Variants in SOX5 observed in about 807,000 individuals in gnomAD.
SOX5 encodes transcription factor SOX-5.
Under a neutral mutation model 92.0 loss-of-function variants are expected in SOX5, and 9 were observed. The observed-to-expected ratio is 0.10, with a 90% CI of 0.06 to 0.17. SOX5 has a LOEUF of 0.17. Among genes scored for constraint, SOX5 ranks in the 10% least tolerant of loss-of-function variants. The pLI, the probability that SOX5 is intolerant of heterozygous loss-of-function variation, is 1.00. For synonymous variants in SOX5, 344 were observed against 336.3 expected (o/e 1.02, Z -0.25); for missense variants, 642 against 944.5 (o/e 0.68, Z 4.20).
At chr12:24,305,658 C>T (rs1344541311) in intron 2 of SOX5, among the ~76,000 whole-genome samples, 2 of 152,148 alleles carry the variant, frequency 1.3e-5, no homozygotes, top group Non-Finnish European at 2.9e-5. Context: ...AGTGCAGTGG[C>T]GCGATCGCGG....
At chr12:24,504,777 A>G (rs1406898055) in intron 1 of SOX5, among the ~76,000 whole-genome samples, 1 of 152,148 alleles carries the variant, frequency 6.6e-6, no homozygotes. Flanking sequence ...TTGAGTTCAC[A>G]TCTGTCTTGA....
intron 2 of SOX5, among the ~76,000 whole-genome samples, chr12:24,351,318 A>C (rs1358871533): frequency 6.6e-6 from 1 of 152,186 alleles, no homozygotes; most frequent in African/African-American, 2.4e-5. Flanking sequence ...AGACCATTGT[A>C]TTCCCAGCCT....
At chr12:24,192,403 AC>A (rs1473747922) in intron 4 of SOX5, among the ~76,000 whole-genome samples, 3 of 146,044 alleles carry the variant, frequency 2.1e-5, no homozygotes, top group Admixed American at 6.8e-5. Flanking sequence ...TAATAGGATA[AC>A]TACTTGGTGC....
At chr12:23,682,025 CAA>C (rs557782617) in intron 6 of SOX5, among the ~76,000 whole-genome samples, 4 of 149,786 alleles carry the variant, frequency 2.7e-5, no homozygotes, top group Non-Finnish European at 4.5e-5. Context: ...ACTGATAGCT[CAA>C]AAAAAAAAAA....
chr12:24,332,737 T>C (rs1297732659), intron 2 of SOX5, among the ~76,000 whole-genome samples: 1 of 151,720 alleles, frequency 6.6e-6, no homozygotes, highest in East Asian at 1.9e-4. Flanking sequence ...TCATAGAGTA[T>C]ATGAACGTAG....
rs1567209060 is a variant in SOX5 at position 23,719,807 on chromosome 12, A to AAAAAAAAAAAC, written c.810+14876_810+14877insGTTTTTTTTTT. On this transcript the variant is annotated intron_variant, in intron 6 of 14. Transcript: ENST00000451604. ...ATTTACCAAAAAAAAAAAAAAAAAA[A>AAAAAAAAAAAC]AAAACTGATGGATAGTTATTTCTGC... 5.7e-5 allele frequency among the ~76,000 whole-genome samples: 8 copies of AAAAAAAAAAAC among 140,646 alleles called. 1 individual carries two copies. The highest frequency in any genetic ancestry group is 7.4e-5 in the Admixed American group (1 of 13,450). 92.3% of individuals were successfully genotyped at this position (140,646 alleles called of 152,430 possible). A position where few individuals can be genotyped will look rare whatever the true frequency, so the allele number is the denominator to read the frequency against.
intron 4 of SOX5, among the ~76,000 whole-genome samples, chr12:24,160,253 C>T (rs1480573079): frequency 1.3e-5 from 2 of 151,824 alleles, no homozygotes; most frequent in Non-Finnish European, 2.9e-5. Flanking sequence ...TTACAATATT[C>T]CTGAAGTCTT....
intron 3 of SOX5, among the ~76,000 whole-genome samples, chr12:23,809,632 T>A (rs2095842113): frequency 6.8e-6 from 1 of 146,182 alleles, no homozygotes. Flanking sequence ...AAAAAAAAAC[T>A]AATACTCAAA....
intron 3 of SOX5, among the ~76,000 whole-genome samples, chr12:23,814,520 T>C (rs565359899): frequency 6.6e-6 from 1 of 152,218 alleles, no homozygotes; most frequent in Admixed American, 6.5e-5. Context: ...GCTTATTTCA[T>C]AAAAGTTGAC....
intron 13 of SOX5, among the ~76,000 whole-genome samples, chr12:23,540,361 T>TATAATA (rs5797023): frequency 0.02 from 2,808 of 142,744 alleles, 50 homozygotes; most frequent in East Asian, 0.059. Flanking sequence ...AAACTTAAAG[T>TATAATA]ATAATAATAA....
intron 11 of SOX5, among the ~76,000 whole-genome samples, chr12:23,559,092 C>CCTCTATTGTGT (rs1480732236): frequency 6.6e-6 from 1 of 152,176 alleles, no homozygotes; most frequent in East Asian, 1.9e-4. Flanking sequence ...TGTATTAAGA[C>CCTCTATTGTGT]TGTCTGGTGG....
chr12:24,394,089 T>C (rs938749424), intron 1 of SOX5, among the ~76,000 whole-genome samples: 1 of 152,072 alleles, frequency 6.6e-6, no homozygotes, highest in African/African-American at 2.4e-5. Context: ...ATTTCAGGCA[T>C]TTTTCTCGTT....
intron 4 of SOX5, among the ~76,000 whole-genome samples, chr12:24,175,814 T>C (rs539812686): frequency 3.2e-4 from 48 of 152,164 alleles, no homozygotes; most frequent in Middle Eastern, 3.4e-3. Flanking sequence ...TATCATTATC[T>C]CCTGACTGTA....
chr12:23,884,602 C>T (rs2137248565), intron 2 of SOX5, among the ~76,000 whole-genome samples: 1 of 152,224 alleles, frequency 6.6e-6, no homozygotes. Flanking sequence ...GCTGTTCAAG[C>T]TATTTATTCT....
At chr12:23,820,753 G>A (rs1038202317) in intron 3 of SOX5, among the ~76,000 whole-genome samples, 3 of 152,008 alleles carry the variant, frequency 2.0e-5, no homozygotes, top group African/African-American at 7.2e-5. Flanking sequence ...TATTATTTTT[G>A]AGGCCTCTGT....
At chr12:23,618,480 A>G (rs2076822434) in intron 8 of SOX5, among the ~76,000 whole-genome samples, 1 of 152,198 alleles carries the variant, frequency 6.6e-6, no homozygotes, top group Non-Finnish European at 1.5e-5. Flanking sequence ...TTCATATTAA[A>G]TCAGACTACA....
Position 24,037,614 on chromosome 12 carries a change from T to C in SOX5, c.-1-141590A>G, listed in dbSNP as rs571779188. 6.6e-5 allele frequency among the ~76,000 whole-genome samples: 10 copies of C among 152,268 alleles called. 1 individual carries two copies. In the South Asian group the frequency reaches 2.1e-3, roughly 32 times the overall value. On this transcript the variant is annotated intron_variant, in intron 4 of 4. Transcript: ENST00000446891. ...ACTAAGAAGTATACAGTGAAATAGA[T>C]CATTCAAGTAATATTTAGCTTAAAA...
chr12:24,555,777 C>T (rs1206995766), intron 1 of SOX5, among the ~76,000 whole-genome samples: 2 of 152,156 alleles, frequency 1.3e-5, no homozygotes, highest in African/African-American at 4.8e-5. Flanking sequence ...CAGAAAAAGA[C>T]AGAGTCCAAA....
rs1478739860 is a variant in SOX5 at position 23,750,724 on chromosome 12, A to G, written c.568+4914T>C. Among the ~76,000 whole-genome samples the G allele has an allele frequency of 2.6e-5, 4 of 151,882 alleles. No individual in the cohort carries two copies. In the East Asian group the frequency reaches 7.7e-4, roughly 29 times the overall value. The stretch of plus-strand genomic sequence containing the variant: ...ATATAAAGCCCAGATTAAATATGTA[A>G]GAGTTTAGTATTTGATTAACCTTAT... On this transcript the variant is annotated intron_variant, in intron 4 of 14. Transcript: ENST00000451604.
Sources: allele counts gnomAD v4.1 joint callset (sites outside exome capture counted in the v4.1 genomes callset), GRCh38; gene constraint gnomAD v4.1.1; transcripts MANE v1.5; gene names NCBI Gene and HGNC (gene_info 2026-07-23, HGNC 2026-07-21).